The following FTCDNL1 variants were observed in gnomAD, a reference collection of about 807,000 sequenced individuals.
FTCDNL1 encodes formiminotransferase cyclodeaminase N-terminal like.
FTCDNL1 carries 11 observed loss-of-function variants against 5.9 expected under a neutral mutation model. That is an observed-to-expected ratio of 1.87 (90% CI 1.18 to 3.10). The LOEUF is 3.10. Among genes scored for constraint, FTCDNL1 ranks in the 30% most tolerant of loss-of-function variants. The pLI, the probability that FTCDNL1 is intolerant of heterozygous loss-of-function variation, is 0.00. For synonymous variants in FTCDNL1, 58 were observed against 24.8 expected (o/e 2.34, Z -3.99); for missense variants, 115 against 65.5 (o/e 1.76, Z -2.61).
downstream of FTCDNL1, among the ~76,000 whole-genome samples, chr2:199,757,030 T>C (rs1698096378): frequency 6.6e-6 from 1 of 152,050 alleles, no homozygotes; most frequent in Non-Finnish European, 1.5e-5. Flanking sequence ...TAATCTAACC[T>C]CCCACAAAGA....
chr2:199,741,275 C>T, the FTCDNL1 span, among the ~76,000 whole-genome samples: 1 of 152,022 alleles, frequency 6.6e-6, no homozygotes, highest in East Asian at 1.9e-4. Context: ...GACCCTGTCT[C>T]TCAAATAAAA....
At chr2:199,814,241 T>A (rs1381044457) in intron 4 of FTCDNL1, among the ~76,000 whole-genome samples, 1 of 152,134 alleles carries the variant, frequency 6.6e-6, no homozygotes, top group African/African-American at 2.4e-5. Context: ...AACTCAAACA[T>A]AATTGCTAAG....
the FTCDNL1 span, among the ~76,000 whole-genome samples, chr2:199,682,775 G>T: frequency 2.6e-5 from 4 of 152,148 alleles, no homozygotes; most frequent in Non-Finnish European, 4.4e-5. Flanking sequence ...TGAATAAATG[G>T]ATACAGAAAA....
chr2:199,834,273 G>A (rs1702563809), intron 3 of FTCDNL1, among the ~76,000 whole-genome samples: 1 of 152,164 alleles, frequency 6.6e-6, no homozygotes, highest in African/African-American at 2.4e-5. Context: ...CAACCCTGCT[G>A]CCACCCTGAT....
chr2:199,714,704 G>C, the FTCDNL1 span, among the ~76,000 whole-genome samples: 1 of 152,126 alleles, frequency 6.6e-6, no homozygotes, highest in East Asian at 1.9e-4. Context: ...AGGAATGCTG[G>C]GGGGTTTCAG....
the FTCDNL1 span, among the ~76,000 whole-genome samples, chr2:199,667,672 C>A: frequency 6.6e-6 from 1 of 151,934 alleles, no homozygotes. Flanking sequence ...ATAAATAAAT[C>A]AAAGAAAATA....
the FTCDNL1 span, among the ~76,000 whole-genome samples, chr2:199,673,327 C>CAAAAAAAAA: frequency 2.0e-3 from 137 of 69,756 alleles, 4 homozygotes; most frequent in African/African-American, 7.6e-3. Flanking sequence ...GACTCTGTCT[C>CAAAAAAAAA]AAAAAAAAAA....
At chr2:199,691,921 G>A in the FTCDNL1 span, among the ~76,000 whole-genome samples, 1 of 152,152 alleles carries the variant, frequency 6.6e-6, no homozygotes, top group Non-Finnish European at 1.5e-5. Flanking sequence ...TCATTTAAAT[G>A]GAATACTGGG....
intron 3 of FTCDNL1, among the ~76,000 whole-genome samples, chr2:199,836,961 G>A (rs530801606): frequency 6.6e-6 from 1 of 152,302 alleles, no homozygotes; most frequent in Admixed American, 6.5e-5. Context: ...TAACTTGCTT[G>A]CTCACTCACA....
intron 3 of FTCDNL1, among the ~76,000 whole-genome samples, chr2:199,836,788 G>A (rs1333189357): frequency 6.6e-6 from 1 of 152,102 alleles, no homozygotes; most frequent in African/African-American, 2.4e-5. Flanking sequence ...AGTGATACAG[G>A]GAAGGAGTAA....
the FTCDNL1 span, among the ~76,000 whole-genome samples, chr2:199,732,028 C>G: frequency 6.6e-6 from 1 of 152,188 alleles, no homozygotes; most frequent in African/African-American, 2.4e-5. Context: ...CCACAATTAT[C>G]CTAGGTCTAA....
the FTCDNL1 span, among the ~76,000 whole-genome samples, chr2:199,755,116 G>A: frequency 3.3e-5 from 5 of 152,178 alleles, no homozygotes; most frequent in South Asian, 8.3e-4. Flanking sequence ...TCCAAAAGAG[G>A]AGAAATGATT....
the FTCDNL1 span, among the ~76,000 whole-genome samples, chr2:199,728,253 T>C: frequency 6.8e-6 from 1 of 147,676 alleles, no homozygotes; most frequent in Non-Finnish European, 1.5e-5. Flanking sequence ...CATGGTAACT[T>C]TTTTTTTTTT....
At position 199,786,744 on chromosome 2, in the gene FTCDNL1, TA is replaced by T. The variant is rs773169428; in HGVS notation, c.212-25910del. Among the ~76,000 whole-genome samples, 108 of 152,244 alleles carry T rather than the reference TA, an allele frequency of 7.1e-4. 1 individual carries two copies. Among genetic ancestry groups the T allele is most frequent in the Non-Finnish European group, 1.2e-3 (84 of 68,038 alleles). On this transcript the variant is annotated intron_variant, in intron 3 of 3. Transcript: ENST00000416668. ...TAGCCGGCGATCAGTGTTGAAACAC[TA>T]GCACTGCCTGCACATTGTATTAAAT...
the FTCDNL1 span, among the ~76,000 whole-genome samples, chr2:199,671,471 G>A: frequency 4.0e-5 from 6 of 150,782 alleles, no homozygotes; most frequent in Admixed American, 4.0e-4. Flanking sequence ...AAGAAAGTTT[G>A]AAAGGAAAAA....
the FTCDNL1 span, among the ~76,000 whole-genome samples, chr2:199,693,944 T>A: frequency 7.9e-5 from 12 of 152,350 alleles, no homozygotes; most frequent in Non-Finnish European, 1.6e-4. Flanking sequence ...AGAGAATTTA[T>A]ATCATCTCCT....
chr2:199,690,013 T>A, the FTCDNL1 span, among the ~76,000 whole-genome samples: 1 of 152,210 alleles, frequency 6.6e-6, no homozygotes, highest in Admixed American at 6.5e-5. Flanking sequence ...AGAATTGATA[T>A]GACAATGTTC....
the FTCDNL1 span, among the ~76,000 whole-genome samples, chr2:199,744,851 G>A: frequency 3.9e-5 from 6 of 152,160 alleles, no homozygotes; most frequent in Non-Finnish European, 5.9e-5. Flanking sequence ...TGATTTCCTA[G>A]AGCTAAGCCT....
At chr2:199,722,581 G>T in the FTCDNL1 span, among the ~76,000 whole-genome samples, 1 of 152,062 alleles carries the variant, frequency 6.6e-6, no homozygotes, top group African/African-American at 2.4e-5. Flanking sequence ...TGTTCTTTTT[G>T]CTTAGGATTG....
Sources: allele counts gnomAD v4.1 joint callset (sites outside exome capture counted in the v4.1 genomes callset), GRCh38; gene constraint gnomAD v4.1.1; transcripts MANE v1.5; gene names NCBI Gene and HGNC (gene_info 2026-07-23, HGNC 2026-07-21).